ELOVL6: variants seen among roughly 807,000 people sequenced by gnomAD.
ELOVL6 encodes the protein very long chain fatty acid elongase 6.
Under a neutral mutation model 31.7 loss-of-function variants are expected in ELOVL6, and 8 were observed. The observed-to-expected ratio is 0.25, with a 90% CI of 0.15 to 0.45. The LOEUF is 0.45. Among genes scored for constraint, ELOVL6 ranks in the 20% least tolerant of loss-of-function variants. ELOVL6 has a pLI of 1.00. For synonymous variants in ELOVL6, 101 were observed against 117.7 expected, an observed-to-expected ratio of 0.86 and a Z score of 0.92; for missense variants, 126 against 326.4, an observed-to-expected ratio of 0.39 and a Z score of 4.73.
chr4:110,083,480 A>T (rs1464048406), intron 2 of ELOVL6, among the ~76,000 whole-genome samples: 1 of 151,576 alleles, frequency 6.6e-6, no homozygotes, highest in Non-Finnish European at 1.5e-5. Flanking sequence ...GACTAAAGAG[A>T]GACATGGTTT....
chr4:110,074,110 C>A (rs1461023073), intron 2 of ELOVL6, among the ~76,000 whole-genome samples: 1 of 152,158 alleles, frequency 6.6e-6, no homozygotes, highest in African/African-American at 2.4e-5. Context: ...TATAGTAATT[C>A]CTCAATATCA....
chr4:110,060,484 G>C (rs887095490), intron 2 of ELOVL6, among the ~76,000 whole-genome samples: 6 of 152,164 alleles, frequency 3.9e-5, no homozygotes, highest in African/African-American at 1.4e-4. Flanking sequence ...ATAGGCACAG[G>C]TGCTCAATAA....
chr4:110,177,704 T>C (rs1759150210), intron 1 of ELOVL6, among the ~76,000 whole-genome samples: 1 of 152,106 alleles, frequency 6.6e-6, no homozygotes, highest in Non-Finnish European at 1.5e-5. Context: ...AGGTCATTGA[T>C]AACATTATTA....
chr4:110,109,374 A>G (rs1044355224), intron 1 of ELOVL6, among the ~76,000 whole-genome samples: 1 of 152,218 alleles, frequency 6.6e-6, no homozygotes, highest in Non-Finnish European at 1.5e-5. Flanking sequence ...CCAACCAAAT[A>G]AAGACAACCC....
At chr4:110,093,074 C>T (rs1756470459) in intron 2 of ELOVL6, 1 of 446,284 alleles carries the variant, frequency 2.2e-6, no homozygotes, top group Non-Finnish European at 4.5e-6. Context: ...AAATACTATC[C>T]CATTTTGGTA....
rs1578281260 is a variant in ELOVL6 at position 110,176,788 on chromosome 4, A to G, written c.89+21459T>C. Among the ~76,000 whole-genome samples, 6 of 152,192 alleles carry G rather than the reference A, an allele frequency of 3.9e-5. No homozygotes were observed. The South Asian group carries it at 1.2e-3, about 31-fold the overall frequency. Reference sequence around the variant, plus strand: ...GTTTCATTCTTGTTGCCCAGGCTGGAGTGCAATGGCACGATCTCGGCTCAC... The same window carrying G: ...GTTTCATTCTTGTTGCCCAGGCTGGGGTGCAATGGCACGATCTCGGCTCAC... On this transcript the variant is annotated intron_variant, in intron 1 of 3. Coordinates refer to ENST00000302274, the MANE Select transcript of ELOVL6 (RefSeq NM_024090.3).
intron 3 of ELOVL6, among the ~76,000 whole-genome samples, chr4:110,052,175 G>A (rs886149706): frequency 6.6e-6 from 1 of 152,196 alleles, no homozygotes; most frequent in African/African-American, 2.4e-5. Context: ...ACCACCTGGA[G>A]GGGACTGGTG....
At chr4:110,156,814 G>A (rs964955946) in intron 1 of ELOVL6, among the ~76,000 whole-genome samples, 13 of 152,198 alleles carry the variant, frequency 8.5e-5, no homozygotes, top group Middle Eastern at 3.2e-3. Context: ...AGTAAAATAG[G>A]ATTAACGAGT....
intron 1 of ELOVL6, among the ~76,000 whole-genome samples, chr4:110,180,831 A>G (rs1759250890): frequency 6.6e-6 from 1 of 152,228 alleles, no homozygotes; most frequent in South Asian, 2.1e-4. Context: ...CTGTTTATAG[A>G]GATTTTTAAA....
intron 1 of ELOVL6, among the ~76,000 whole-genome samples, chr4:110,118,929 T>C (rs35740650): frequency 2.0e-5 from 3 of 152,110 alleles, no homozygotes; most frequent in Admixed American, 6.5e-5. Context: ...CGCATGGTGG[T>C]AGGCATCTGT....
At chr4:110,061,505 T>C (rs1441806507) in intron 2 of ELOVL6, among the ~76,000 whole-genome samples, 3 of 151,538 alleles carry the variant, frequency 2.0e-5, no homozygotes, top group Non-Finnish European at 4.4e-5. Flanking sequence ...TTCTGTCTTA[T>C]CTGAATTTTT....
At chr4:110,197,122 T>A (rs1325127660) in intron 1 of ELOVL6, among the ~76,000 whole-genome samples, 2 of 152,048 alleles carry the variant, frequency 1.3e-5, no homozygotes, top group Admixed American at 1.3e-4. Flanking sequence ...ATCCCCCGGC[T>A]CCCGGGAGAC....
At chr4:110,098,890 C>T (rs1019733958) in intron 2 of ELOVL6, among the ~76,000 whole-genome samples, 5 of 152,090 alleles carry the variant, frequency 3.3e-5, no homozygotes, top group Non-Finnish European at 7.4e-5. Context: ...AGTATCAGTA[C>T]AATCATTGTC....
chr4:110,103,038 C>A (rs1393769418), intron 2 of ELOVL6, among the ~76,000 whole-genome samples: 2 of 152,126 alleles, frequency 1.3e-5, no homozygotes, highest in African/African-American at 4.8e-5. Context: ...ATGGGCTTAT[C>A]AGGGGTTTCC....
At chr4:110,109,830 C>T (rs1756981077) in intron 1 of ELOVL6, among the ~76,000 whole-genome samples, 1 of 152,160 alleles carries the variant, frequency 6.6e-6, no homozygotes, top group African/African-American at 2.4e-5. Flanking sequence ...AGGATAATTG[C>T]TAATGAATAG....
intron 2 of ELOVL6, among the ~76,000 whole-genome samples, chr4:110,089,028 C>T (rs1375514984): frequency 1.3e-5 from 2 of 152,114 alleles, no homozygotes; most frequent in Non-Finnish European, 2.9e-5. Flanking sequence ...AGATCTTTTG[C>T]AACAAATTTC....
intron 1 of ELOVL6, among the ~76,000 whole-genome samples, chr4:110,159,086 G>C (rs1758557913): frequency 6.6e-6 from 1 of 152,072 alleles, no homozygotes; most frequent in Non-Finnish European, 1.5e-5. Flanking sequence ...ATTGTGATTT[G>C]CATAGATTTT....
chr4:110,089,655 G>C (rs754035150), intron 2 of ELOVL6, among the ~76,000 whole-genome samples: 1 of 152,196 alleles, frequency 6.6e-6, no homozygotes, highest in Non-Finnish European at 1.5e-5. Context: ...CAGGACACTA[G>C]TTGGCTAACA....
intron 2 of ELOVL6, among the ~76,000 whole-genome samples, chr4:110,081,292 C>G (rs892511189): frequency 6.6e-5 from 10 of 152,272 alleles, no homozygotes; most frequent in African/African-American, 2.4e-4. Flanking sequence ...CAAGTCAATC[C>G]TAAGCCAAAA....
Sources: allele counts gnomAD v4.1 joint callset (sites outside exome capture counted in the v4.1 genomes callset), GRCh38; gene constraint gnomAD v4.1.1; transcripts MANE v1.5; gene names NCBI Gene and HGNC (gene_info 2026-07-23, HGNC 2026-07-21).